MYO3A: variants seen among roughly 807,000 people sequenced by gnomAD.
MYO3A encodes the protein myosin-IIIa.
In MYO3A, 180 loss-of-function variants were observed where a neutral mutation model predicts 192.7. The observed-to-expected ratio is 0.93, with a 90% CI of 0.83 to 1.06. The LOEUF (loss-of-function observed/expected upper bound fraction) is 1.06, where lower values mean the gene tolerates loss of function less well. MYO3A is among the 50% of genes least tolerant of loss of function. MYO3A has a pLI of 0.00. For synonymous variants in MYO3A, 628 were observed against 645.3 expected (o/e 0.97, Z 0.41); for missense variants, 1,896 against 1,905.0 (o/e 1.00, Z 0.09).
intron 10 of MYO3A, among the ~76,000 whole-genome samples, chr10:26,053,830 A>T (rs1353503893): frequency 4.1e-5 from 6 of 147,392 alleles, no homozygotes; most frequent in Non-Finnish European, 9.2e-5. Context: ...GTTTCAAAAA[A>T]AGAAAAAGAA....
chr10:26,143,444 A>C lies in MYO3A; in HGVS notation c.2263-4A>C, dbSNP rs1840281357. On this transcript the variant is annotated splice_region_variant and splice_polypyrimidine_tract_variant and intron_variant, in intron 20 of 34. Transcript: ENST00000642920. ...AGTTTTAAGTGGTTTTGTCTTTATT[A>C]TAGAATGAATACCTAAATGAAGATG... is the stretch of plus-strand genomic sequence containing the variant. The C allele has an allele frequency of 6.2e-7, 1 of 1,608,500 alleles. No individual in the cohort carries two copies. The highest frequency in any genetic ancestry group is 1.3e-5 in the African/African-American group (1 of 74,828).
intron 6 of MYO3A, among the ~76,000 whole-genome samples, chr10:26,005,956 T>C (rs1841175494): frequency 6.6e-6 from 1 of 152,108 alleles, no homozygotes; most frequent in African/African-American, 2.4e-5. Flanking sequence ...AGTTGAACCA[T>C]GAATAAGTGG....
intron 4 of MYO3A, among the ~76,000 whole-genome samples, chr10:25,966,764 C>G (rs546089919): frequency 1.3e-5 from 2 of 152,300 alleles, no homozygotes; most frequent in Admixed American, 1.3e-4. Context: ...GAAACTCTAT[C>G]AGAGGTTCTC....
At chr10:25,944,065 C>T (rs746603777) in intron 2 of MYO3A, among the ~76,000 whole-genome samples, 3 of 151,596 alleles carry the variant, frequency 2.0e-5, no homozygotes, top group Non-Finnish European at 4.4e-5. Flanking sequence ...ATGTCAAGGT[C>T]GTTTTTTTCT....
intron 10 of MYO3A, among the ~76,000 whole-genome samples, chr10:26,061,074 G>A (rs36072622): frequency 0.47 from 71,364 of 151,206 alleles, 17,640 homozygotes; most frequent in Middle Eastern, 0.58. Flanking sequence ...GACTACAGGC[G>A]CCTGCCACCA....
At position 26,166,050 on chromosome 10, in the gene MYO3A, CT is replaced by C. The variant is rs781389682; in HGVS notation, c.3000-11del. 6.2e-7 allele frequency: 1 copy of C among 1,608,188 alleles called. No individual in the cohort carries two copies. Among genetic ancestry groups the C allele is most frequent in the South Asian group, 1.1e-5 (1 of 90,998 alleles). On this transcript the variant is annotated splice_polypyrimidine_tract_variant and intron_variant, in intron 26 of 34. Transcript: ENST00000642920. Reference sequence around the variant, plus strand: ...GCACTTTATGCAATACTAACCAGCCCTTTTTTCCATTCCAAGGTACTACCTT... The same window carrying C: ...GCACTTTATGCAATACTAACCAGCCCTTTTTCCATTCCAAGGTACTACCTT...
intron 34 of MYO3A, among the ~76,000 whole-genome samples, chr10:26,207,131 T>C (rs570026673): frequency 6.6e-6 from 1 of 152,188 alleles, no homozygotes; most frequent in Admixed American, 6.5e-5. Context: ...ACTTACTAGA[T>C]GCATAGTTTG....
At chr10:25,976,187 A>G (rs891896332) in intron 4 of MYO3A, among the ~76,000 whole-genome samples, 4 of 152,200 alleles carry the variant, frequency 2.6e-5, no homozygotes, top group African/African-American at 9.6e-5. Flanking sequence ...AACATACAGC[A>G]GTGTCTTATA....
chr10:26,059,116 A>G (rs1375040879), intron 10 of MYO3A, among the ~76,000 whole-genome samples: 1 of 152,162 alleles, frequency 6.6e-6, no homozygotes, highest in East Asian at 1.9e-4. Context: ...AACATAAACA[A>G]TTATGTCATC....
At chr10:26,029,767 C>T (rs1470015313) in intron 10 of MYO3A, among the ~76,000 whole-genome samples, 1 of 152,164 alleles carries the variant, frequency 6.6e-6, no homozygotes, top group African/African-American at 2.4e-5. Flanking sequence ...CATTTCAACA[C>T]AGGTGAATTG....
intron 4 of MYO3A, among the ~76,000 whole-genome samples, chr10:25,987,550 T>A (rs1389137809): frequency 6.6e-6 from 1 of 151,944 alleles, no homozygotes; most frequent in Non-Finnish European, 1.5e-5. Flanking sequence ...GCTAAAGACA[T>A]GAGTAAACAA....
rs565608406 is a variant in MYO3A, at chr10:26,148,657, C to G, written c.2635+1098C>G. Among the ~76,000 whole-genome samples the G allele has an allele frequency of 5.9e-5, 9 of 152,270 alleles. No individual in the cohort carries two copies. In the East Asian group the frequency reaches 1.7e-3, roughly 29 times the overall value. On this transcript the variant is annotated intron_variant, in intron 23 of 34. Coordinates refer to ENST00000642920, the MANE Select transcript of MYO3A (RefSeq NM_017433.5). ...TAGCTCTCCATTTATTTAAGTCTCC[C>G]TTAATTTCTCTCAGCAACATTTTGT... is the stretch of plus-strand genomic sequence containing the variant.
Position 26,125,427 on chromosome 10 carries a change from G to A in MYO3A, c.1933G>A (p.Glu645Lys). The change falls in exon 19 of 35, where the codon GAG becomes AAG. Residue 645 changes from glutamate to lysine, a missense_variant. Coordinates refer to ENST00000642920, the MANE Select transcript of MYO3A (RefSeq NM_017433.5). ...TTCTTTGCTTTGCATTCGGGCAGAT[G>A]AGCTACAAGAAGCTCTCACCTCCCA... The part of the protein sequence containing the change: ...CASLLCIRAD[E>K]LQEALTSHCV... 1 of 1,614,008 alleles carries A rather than the reference G, an allele frequency of 6.2e-7. No individual in the cohort carries two copies. The highest frequency in any genetic ancestry group is 8.5e-7 in the Non-Finnish European group (1 of 1,179,934).
chr10:26,081,065 C>T (rs1192905408), intron 14 of MYO3A, among the ~76,000 whole-genome samples: 1 of 148,348 alleles, frequency 6.7e-6, no homozygotes, highest in Non-Finnish European at 1.5e-5. Context: ...CAGAAAGTAT[C>T]AGCTGTGGTA....
intron 14 of MYO3A, among the ~76,000 whole-genome samples, chr10:26,080,611 T>A (rs887700106): frequency 7.0e-5 from 5 of 71,380 alleles, no homozygotes; most frequent in African/African-American, 1.0e-4. Context: ...GGGGCGGGGG[T>A]GGGTGTTGAA....
At chr10:26,048,269 A>T (rs12572695) in intron 10 of MYO3A, among the ~76,000 whole-genome samples, 7 of 151,868 alleles carry the variant, frequency 4.6e-5, no homozygotes, top group Non-Finnish European at 1.0e-4. Context: ...TCTGAAAAAA[A>T]GTATTATATT....
intron 25 of MYO3A, among the ~76,000 whole-genome samples, chr10:26,155,255 A>T (rs1841044794): frequency 6.6e-6 from 1 of 152,220 alleles, no homozygotes; most frequent in African/African-American, 2.4e-5. Flanking sequence ...CAAAAGGAAA[A>T]TAGAGCCCGT....
At chr10:26,068,241 G>A (rs1834973254) in intron 11 of MYO3A, among the ~76,000 whole-genome samples, 2 of 151,858 alleles carry the variant, frequency 1.3e-5, no homozygotes. Flanking sequence ...GTAAATGGTG[G>A]TTTCCGACAT....
chr10:26,212,268 CT>C lies in MYO3A; in HGVS notation c.*314del, dbSNP rs368369259. ...TGTTCCCCTAATCTATCACTTTGTT[CT>C]TTTTTTTTGTGACTCCTGTGGACTC... On this transcript the variant is annotated 3_prime_UTR_variant, in exon 35 of 35. Transcript: ENST00000642920. 162 of 438,902 alleles carry C rather than the reference CT, an allele frequency of 3.7e-4. No individual in the cohort carries two copies. Among genetic ancestry groups the C allele is most frequent in the South Asian group, 1.1e-3 (15 of 13,554 alleles). 27.2% of individuals were successfully genotyped at this position (438,902 alleles called of 1,614,324 possible). A position where few individuals can be genotyped will look rare whatever the true frequency, so the allele number is the denominator to read the frequency against.
Sources: gnomAD v4.1 joint callset for allele counts (sites outside exome capture counted in the v4.1 genomes callset) on GRCh38, gnomAD v4.1.1 for gene constraint, MANE v1.5 for transcripts, NCBI Gene and HGNC (gene_info 2026-07-23, HGNC 2026-07-21) for gene names.